The following EIF4G3 variants were observed in gnomAD, a reference collection of about 807,000 sequenced individuals.
EIF4G3 encodes eukaryotic translation initiation factor 4 gamma 3, also known as eIF-4-gamma 3.
EIF4G3 carries 34 observed loss-of-function variants against 186.4 expected under a neutral mutation model. That is an observed-to-expected ratio of 0.18 (90% CI 0.14 to 0.24). The LOEUF (loss-of-function observed/expected upper bound fraction) is 0.24. EIF4G3 is among the 10% of genes least tolerant of loss of function. The pLI, the probability that EIF4G3 is intolerant of heterozygous loss-of-function variation, is 1.00. For synonymous variants in EIF4G3, 673 were observed against 679.5 expected (o/e 0.99, Z 0.15); for missense variants, 1,536 against 1,948.5 (o/e 0.79, Z 3.99).
chr1:20,822,588 CTTT>C (rs71014119), intron 33 of EIF4G3, among the ~76,000 whole-genome samples: 11 of 129,688 alleles, frequency 8.5e-5, no homozygotes, highest in Admixed American at 1.5e-4. Flanking sequence ...GTTCTAATTT[CTTT>C]TTTTTTTTTT....
chr1:20,909,283 T>A (rs114533340), intron 14 of EIF4G3, among the ~76,000 whole-genome samples: 1,927 of 152,326 alleles, frequency 0.013, 42 homozygotes, highest in African/African-American at 0.043. Flanking sequence ...TGTAGACACA[T>A]GATCTAGAAC....
intron 2 of EIF4G3, among the ~76,000 whole-genome samples, chr1:21,141,482 A>G (rs1175005675): frequency 2.7e-5 from 4 of 149,348 alleles, no homozygotes; most frequent in African/African-American, 9.9e-5. Context: ...TACCAAGAGA[A>G]AAAAAAAAAA....
At chr1:21,111,103 T>C (rs140044058) in intron 2 of EIF4G3, among the ~76,000 whole-genome samples, 108 of 152,300 alleles carry the variant, frequency 7.1e-4, no homozygotes, top group African/African-American at 2.5e-3. Flanking sequence ...AGGCTCTTAT[T>C]AAATGAGACA....
intron 2 of EIF4G3, among the ~76,000 whole-genome samples, chr1:21,096,995 A>C (rs1404354123): frequency 6.6e-6 from 1 of 152,230 alleles, no homozygotes; most frequent in Non-Finnish European, 1.5e-5. Context: ...ATGTGAATTT[A>C]CTTAATGCCA....
intron 10 of EIF4G3, among the ~76,000 whole-genome samples, chr1:20,978,279 T>C (rs1323131565): frequency 6.6e-6 from 1 of 152,080 alleles, no homozygotes; most frequent in African/African-American, 2.4e-5. Flanking sequence ...CTGTCAAAAA[T>C]TGGGTGATAT....
At chr1:21,143,340 AAGG>A (rs1418768992) in intron 2 of EIF4G3, among the ~76,000 whole-genome samples, 8 of 151,774 alleles carry the variant, frequency 5.3e-5, no homozygotes, top group African/African-American at 9.7e-5. Flanking sequence ...GGAAAGGAAG[AAGG>A]AGAAGAAGGA....
At chr1:21,037,899 G>T (rs962419262) in intron 4 of EIF4G3, among the ~76,000 whole-genome samples, 1 of 152,176 alleles carries the variant, frequency 6.6e-6, no homozygotes, top group African/African-American at 2.4e-5. Flanking sequence ...TCAATGCTGG[G>T]TGCACATTAG....
intron 7 of EIF4G3, among the ~76,000 whole-genome samples, chr1:20,992,821 A>G: frequency 6.6e-6 from 1 of 152,146 alleles, no homozygotes; most frequent in East Asian, 1.9e-4. Flanking sequence ...CAGGAACATA[A>G]GTAACTTTAA....
chr1:21,080,318 C>CAAA lies in EIF4G3; in HGVS notation c.-196+8817_-196+8819dup, dbSNP rs551685633. Among the ~76,000 whole-genome samples, 22 of 136,114 alleles carry CAAA rather than the reference C, an allele frequency of 1.6e-4. No individual in the cohort carries two copies. In the South Asian group the frequency reaches 4.7e-3, roughly 29 times the overall value. 89.3% of individuals were successfully genotyped at this position (136,114 alleles called of 152,430 possible). On this transcript the variant is annotated intron_variant, in intron 3 of 36. Coordinates refer to ENST00000602326, the MANE Select transcript of EIF4G3 (RefSeq NM_001391906.1). ...GCAACAGAGAGAGACACTGTCTCAA[C>CAAA]AAAAAAAAAAGAGAGAGAGAAAGAA...
chr1:20,970,192 A>G (rs189289304), intron 11 of EIF4G3, among the ~76,000 whole-genome samples: 2 of 152,278 alleles, frequency 1.3e-5, no homozygotes, highest in African/African-American at 4.8e-5. Context: ...AAATATAAAT[A>G]CCCTACGAGT....
chr1:20,912,357 G>A (rs372640922), intron 14 of EIF4G3, among the ~76,000 whole-genome samples: 15 of 152,136 alleles, frequency 9.9e-5, no homozygotes, highest in Non-Finnish European at 1.5e-4. Context: ...GGCCTGAAGC[G>A]CCTGAATTGT....
intron 23 of EIF4G3, among the ~76,000 whole-genome samples, chr1:20,861,487 C>T (rs1425699125): frequency 2.0e-5 from 3 of 152,194 alleles, no homozygotes; most frequent in South Asian, 2.1e-4. Flanking sequence ...GGGCACCTTA[C>T]GTAATTATTC....
intron 33 of EIF4G3, among the ~76,000 whole-genome samples, chr1:20,820,313 G>T (rs2062018578): frequency 6.6e-6 from 1 of 152,232 alleles, no homozygotes; most frequent in Non-Finnish European, 1.5e-5. Flanking sequence ...TGGTGGGGTG[G>T]GAGCTCTGGG....
intron 2 of EIF4G3, chr1:21,111,246 C>T (rs915460907): frequency 1.7e-5 from 8 of 464,092 alleles, no homozygotes; most frequent in African/African-American, 1.6e-4. Context: ...TAACAAGTGG[C>T]ACTCTACGAA....
intron 4 of EIF4G3, among the ~76,000 whole-genome samples, chr1:21,026,834 G>A (rs1448020392): frequency 6.6e-6 from 1 of 151,754 alleles, no homozygotes; most frequent in Non-Finnish European, 1.5e-5. Flanking sequence ...ATACTCAGGT[G>A]GCTGAGGCAC....
chr1:21,128,238 G>C (rs2097088546), intron 2 of EIF4G3, among the ~76,000 whole-genome samples: 1 of 149,710 alleles, frequency 6.7e-6, no homozygotes, highest in African/African-American at 2.5e-5. Flanking sequence ...GCTGGGTGTG[G>C]TGGCTCACTC....
At chr1:20,980,098 AGC>A (rs1195002491) in intron 10 of EIF4G3, among the ~76,000 whole-genome samples, 1 of 152,168 alleles carries the variant, frequency 6.6e-6, no homozygotes, top group Non-Finnish European at 1.5e-5. Context: ...CTACTTGGGA[AGC>A]TAAGGCAGGA....
At chr1:20,916,332 A>C (rs909834903) in intron 14 of EIF4G3, among the ~76,000 whole-genome samples, 1 of 152,034 alleles carries the variant, frequency 6.6e-6, no homozygotes, top group Non-Finnish European at 1.5e-5. Flanking sequence ...CTGTAGTCCC[A>C]GCTACTCGGG....
At chr1:20,854,874 T>C in intron 26 of EIF4G3, 104 bp downstream of exon 26, 1 of 909,814 alleles carries the variant, frequency 1.1e-6, no homozygotes, top group Non-Finnish European at 1.7e-6. Flanking sequence ...ATGATTAGTC[T>C]ACACATCTTT....
Sources: allele counts gnomAD v4.1 joint callset (sites outside exome capture counted in the v4.1 genomes callset), GRCh38; gene constraint gnomAD v4.1.1; transcripts MANE v1.5; gene names NCBI Gene and HGNC (gene_info 2026-07-23, HGNC 2026-07-21).